The following GAK variants were observed in gnomAD, a reference collection of about 807,000 sequenced individuals.
GAK encodes the protein cyclin G associated kinase.
GAK carries 79 observed loss-of-function variants against 143.9 expected under a neutral mutation model. The ratio of observed to expected loss-of-function variants is 0.55; its 90% CI spans 0.46 to 0.66. The LOEUF (loss-of-function observed/expected upper bound fraction) is 0.66, where lower values mean the gene tolerates loss of function less well. Ranked by LOEUF, GAK falls within the 30% of genes least tolerant of loss-of-function variation. The pLI, the probability that GAK is intolerant of heterozygous loss-of-function variation, is 0.00. For missense variants in GAK, 1,693 were observed against 1,779.7 expected (o/e 0.95, Z 0.88); for synonymous variants, 881 against 765.5 (o/e 1.15, Z -2.49).
intron 1 of GAK, among the ~76,000 whole-genome samples, chr4:917,320 C>T (rs775066075): frequency 2.7e-5 from 4 of 146,070 alleles, no homozygotes; most frequent in Non-Finnish European, 5.9e-5. Flanking sequence ...TAACAGAAGG[C>T]CAATGCCAGG....
chr4:926,322 C>G (rs1239271054), intron 1 of GAK, among the ~76,000 whole-genome samples: 1 of 152,188 alleles, frequency 6.6e-6, no homozygotes. Context: ...GCCTGTCACT[C>G]TCCGCCCCAA....
intron 1 of GAK, among the ~76,000 whole-genome samples, chr4:921,682 T>G (rs1390692469): frequency 1.3e-5 from 2 of 151,736 alleles, no homozygotes; most frequent in Non-Finnish European, 2.9e-5. Flanking sequence ...GACCCCGCTT[T>G]GTTTGTTTTT....
At chr4:854,817 G>A (rs1235597569) in intron 24 of GAK, among the ~76,000 whole-genome samples, 3 of 152,130 alleles carry the variant, frequency 2.0e-5, no homozygotes, top group Admixed American at 6.5e-5. Flanking sequence ...AGGCCGAGGC[G>A]GGCGGATCAC....
intron 1 of GAK, among the ~76,000 whole-genome samples, chr4:930,702 T>C (rs781203290): frequency 2.2e-4 from 33 of 152,058 alleles, no homozygotes; most frequent in Non-Finnish European, 3.8e-4. Context: ...CTGAGAGAAA[T>C]CTTCCAACTG....
chr4:890,282 T>C (rs559341451), intron 10 of GAK, among the ~76,000 whole-genome samples: 4 of 152,244 alleles, frequency 2.6e-5, no homozygotes, highest in South Asian at 2.1e-4. Flanking sequence ...GCCTCTTCCC[T>C]TGGCTGGCTT....
At chr4:930,123 C>A (rs1214465604) in intron 1 of GAK, among the ~76,000 whole-genome samples, 1 of 152,164 alleles carries the variant, frequency 6.6e-6, no homozygotes, top group Non-Finnish European at 1.5e-5. Context: ...CACAAGACAG[C>A]CTAAACTCCC....
Position 862,649 on chromosome 4 carries a change from C to A in GAK, c.3166+2473G>T, listed in dbSNP as rs528349682. ...CTCCAGCCTGGGCGACAAAGAGAGA[C>A]TCTGTCTCAAAAAAAAAAAAAAGGA... On this transcript the variant is annotated intron_variant, in intron 23 of 27. Transcript: ENST00000314167. Among the ~76,000 whole-genome samples, 22 of 147,186 alleles carry A rather than the reference C, an allele frequency of 1.5e-4. No individual in the cohort carries two copies. The South Asian group carries it at 5.0e-3, about 34-fold the overall frequency.
At position 920,374 on chromosome 4, in the gene GAK, C is replaced by G. The variant is rs544653056; in HGVS notation, c.146-6706G>C. On this transcript the variant is annotated intron_variant, in intron 1 of 27. Transcript: ENST00000314167. ...ATCACTGATGTGACTTTTAACACCT[C>G]TAACGCAGTATCACACACAGTGCAG... Among the ~76,000 whole-genome samples the G allele has an allele frequency of 1.3e-4, 19 of 151,808 alleles. No individual in the cohort carries two copies. In the South Asian group the frequency reaches 3.7e-3, roughly 30 times the overall value.
intron 24 of GAK, among the ~76,000 whole-genome samples, chr4:855,390 T>C (rs1280668420): frequency 2.0e-5 from 3 of 152,196 alleles, no homozygotes; most frequent in South Asian, 2.1e-4. Context: ...GGCTTCCTTA[T>C]ATAATTGCAA....
chr4:908,784 C>CA (rs942855234), intron 4 of GAK, among the ~76,000 whole-genome samples: 44 of 151,564 alleles, frequency 2.9e-4, no homozygotes, highest in African/African-American at 4.6e-4. Context: ...ACCCTGTCTC[C>CA]AAAAAAAATA....
Position 911,713 on chromosome 4 carries a change from C to G in GAK, c.342G>C (p.Thr114=), listed in dbSNP as rs1224706483. ...TGAGCAAGAGGAACTCAGCCTGCCC[C>G]GTGTCTGACTCCTCTTTTCCTATAG... ...AASIGKEESD[T]GQAEFLLLTE... The change falls in exon 4 of 28, where the codon ACG becomes ACC. Residue 114 remains threonine (T), a synonymous_variant. Coordinates refer to ENST00000314167, the MANE Select transcript of GAK (RefSeq NM_005255.4). The G allele has an allele frequency of 1.2e-6, 2 of 1,613,918 alleles. No homozygotes were observed. Among genetic ancestry groups the G allele is most frequent in the Non-Finnish European group, 1.7e-6 (2 of 1,179,880 alleles).
intron 5 of GAK, among the ~76,000 whole-genome samples, chr4:904,135 G>C (rs141166762): frequency 0.032 from 4,813 of 150,252 alleles, 37 homozygotes; most frequent in East Asian, 0.14. Flanking sequence ...CTACCTTGTG[G>C]TCCCTGTGGA....
intron 1 of GAK, among the ~76,000 whole-genome samples, chr4:922,657 G>C (rs976375452): frequency 4.6e-5 from 7 of 152,114 alleles, no homozygotes; most frequent in Admixed American, 1.3e-4. Flanking sequence ...ACTCAGTCTG[G>C]AGTATTTTGT....
intron 9 of GAK, among the ~76,000 whole-genome samples, chr4:891,881 G>A (rs1363831032): frequency 2.0e-5 from 3 of 152,102 alleles, no homozygotes; most frequent in African/African-American, 4.8e-5. Context: ...TTGCTGAGAG[G>A]CCACCAGTGA....
intron 1 of GAK, among the ~76,000 whole-genome samples, chr4:916,421 A>AT (rs1392460224): frequency 3.3e-5 from 5 of 152,124 alleles, no homozygotes; most frequent in African/African-American, 4.8e-5. Context: ...CACCCGGCTA[A>AT]TTTTTTTATT....
rs1369227552 is a variant in GAK at position 896,559 on chromosome 4, T to C, written c.652-10A>G. On this transcript the variant is annotated splice_polypyrimidine_tract_variant and intron_variant, in intron 6 of 27. Coordinates refer to ENST00000314167, the MANE Select transcript of GAK (RefSeq NM_005255.4). The stretch of plus-strand genomic sequence containing the variant: ...TTGTATTCCTCGTGATCTGAAAAAA[T>C]ACAAACATTTCAAAGGAAAAGTTGC... 1.9e-6 allele frequency: 3 copies of C among 1,599,846 alleles called. No individual in the cohort carries two copies. Among genetic ancestry groups the C allele is most frequent in the African/African-American group, 1.3e-5 (1 of 74,768 alleles).
chr4:865,085 G>T, intron 23 of GAK, 37 bp downstream of exon 23: 2 of 1,487,358 alleles, frequency 1.3e-6, no homozygotes, highest in Non-Finnish European at 9.0e-7. Context: ...GCAGCTGCAC[G>T]TCTGGGAGCC....
At position 885,189 on chromosome 4, in the gene GAK, G is replaced by A. The variant is rs183024840; in HGVS notation, c.1206-1103C>T. On this transcript the variant is annotated intron_variant, in intron 11 of 27. Transcript: ENST00000314167. Reference sequence around the variant, plus strand: ...GCAACAAGGGAAGACGGGGAGGCACGGTGAGCCTGACGCTTGGCCACTTTT... The same window carrying A: ...GCAACAAGGGAAGACGGGGAGGCACAGTGAGCCTGACGCTTGGCCACTTTT... 7.9e-5 allele frequency among the ~76,000 whole-genome samples: 12 copies of A among 152,290 alleles called. No individual in the cohort carries two copies. In the East Asian group the frequency reaches 1.2e-3, roughly 15 times the overall value.
intron 11 of GAK, chr4:886,938 A>G (rs1482290472): frequency 1.3e-5 from 2 of 152,372 alleles, no homozygotes; most frequent in Non-Finnish European, 2.9e-5. Context: ...AAAAGGTTGC[A>G]CAAGGACAAG....
Sources: allele counts gnomAD v4.1 joint callset (sites outside exome capture counted in the v4.1 genomes callset), GRCh38; gene constraint gnomAD v4.1.1; transcripts MANE v1.5; gene names NCBI Gene and HGNC (gene_info 2026-07-23, HGNC 2026-07-21).